The following PCDHGA8 variants were observed in gnomAD, a reference collection of about 807,000 sequenced individuals.
PCDHGA8 encodes protocadherin gamma-A8.
A neutral mutation model predicts 59.2 loss-of-function variants in PCDHGA8; 45 were observed. The ratio of observed to expected loss-of-function variants is 0.76; its 90% CI spans 0.60 to 0.98. The LOEUF is 0.98. Ranked by LOEUF, PCDHGA8 falls within the 50% of genes least tolerant of loss-of-function variation. The pLI, the probability that PCDHGA8 is intolerant of heterozygous loss-of-function variation, is 0.00. For missense variants in PCDHGA8, 1,257 were observed against 1,196.2 expected, an observed-to-expected ratio of 1.05 and a Z score of -0.75; for synonymous variants, 531 against 519.0, an observed-to-expected ratio of 1.02 and a Z score of -0.32.
intron 1 of PCDHGA8, among the ~76,000 whole-genome samples, chr5:141,462,483 G>T (rs1402125086): frequency 2.0e-5 from 3 of 151,986 alleles, no homozygotes; most frequent in African/African-American, 7.3e-5. Context: ...TCTCGTGGTT[G>T]TTGTATCCTA....
At chr5:141,448,185 G>A (rs2098572532) in intron 1 of PCDHGA8, among the ~76,000 whole-genome samples, 1 of 152,020 alleles carries the variant, frequency 6.6e-6, no homozygotes, top group Non-Finnish European at 1.5e-5. Flanking sequence ...CCCTGGTTAT[G>A]TACACTTACA....
Position 141,489,699 on chromosome 5 carries a change from A to G in PCDHGA8, c.2425-5108A>G. ...CAGCAGCATCTGGGGCACGATTCCC[A>G]CTGGACAGTGCCCAGGATCCGGATG... is the stretch of plus-strand genomic sequence containing the variant. On this transcript the variant is annotated intron_variant, in intron 1 of 3. Transcript: ENST00000398604. The surrounding 1 kb of genome is among the most constrained non-coding windows in gnomAD (Gnocchi z 4.5). The G allele has an allele frequency of 6.2e-7, 1 of 1,614,102 alleles. No homozygotes were observed. The highest frequency in any genetic ancestry group is 8.5e-7 in the Non-Finnish European group (1 of 1,179,956).
chr5:141,442,131 A>T, intron 1 of PCDHGA8: 1 of 165,118 alleles, frequency 6.1e-6, no homozygotes, highest in Non-Finnish European at 1.3e-5. Context: ...GACAGCCTGC[A>T]GGAGACTCTG....
intron 1 of PCDHGA8, chr5:141,475,927 G>A: frequency 1.6e-6 from 1 of 628,480 alleles, no homozygotes; most frequent in South Asian, 2.1e-5. Flanking sequence ...CTGGAGATCG[G>A]GCCCCTGCCC....
intron 1 of PCDHGA8, among the ~76,000 whole-genome samples, chr5:141,402,286 C>T (rs2094248272): frequency 6.6e-6 from 1 of 151,638 alleles, no homozygotes; most frequent in Non-Finnish European, 1.5e-5. Flanking sequence ...ATAATCTATC[C>T]TTATATATGT....
At chr5:141,488,134 A>G (rs546928916) in intron 1 of PCDHGA8, among the ~76,000 whole-genome samples, 1 of 152,332 alleles carries the variant, frequency 6.6e-6, no homozygotes, top group African/African-American at 2.4e-5. Flanking sequence ...GAAAGAGGAG[A>G]GAACTAAAGG....
In PCDHGA8 at chr5:141,477,982, G is replaced by A; in HGVS notation, c.2425-16825G>A. ...CTAACCAGAGCCTTTTTGCCATAGG[G>A]CTGCACACTGGTCAAATCAGTACTG... is the stretch of plus-strand genomic sequence containing the variant. On this transcript the variant is annotated intron_variant, in intron 1 of 3. Transcript: ENST00000398604. The surrounding 1 kb of genome is among the most constrained non-coding windows in gnomAD (Gnocchi z 4.9). 6.2e-7 allele frequency: 1 copy of A among 1,614,066 alleles called. No individual in the cohort carries two copies. Among genetic ancestry groups the A allele is most frequent in the Non-Finnish European group, 8.5e-7 (1 of 1,180,014 alleles).
At chr5:141,401,059 G>T (rs1418485253) in intron 1 of PCDHGA8, among the ~76,000 whole-genome samples, 2 of 152,082 alleles carry the variant, frequency 1.3e-5, no homozygotes, top group Non-Finnish European at 2.9e-5. Flanking sequence ...AATACTATAT[G>T]TTGGCTGGGT....
intron 1 of PCDHGA8, chr5:141,468,330 C>CAAAAAAAAA (rs533390277): frequency 1.3e-5 from 1 of 79,886 alleles, no homozygotes; most frequent in African/African-American, 3.9e-5. Context: ...AACTCCATCT[C>CAAAAAAAAA]AAAAAAAAAA....
intron 1 of PCDHGA8, chr5:141,427,054 C>T (rs1235803553): frequency 4.4e-6 from 2 of 457,580 alleles, no homozygotes; most frequent in Admixed American, 4.7e-5. Context: ...CCCCCAGGCA[C>T]CTCTGTACTA....
chr5:141,400,793 C>T, intron 1 of PCDHGA8: 2 of 561,880 alleles, frequency 3.6e-6, no homozygotes, highest in Admixed American at 3.5e-5. Context: ...TGTCCTCTTT[C>T]TCAAAGCTAA....
intron 1 of PCDHGA8, chr5:141,410,073 G>T: frequency 6.2e-7 from 1 of 1,612,940 alleles, no homozygotes; most frequent in South Asian, 1.1e-5. Context: ...CTGCGCACTG[G>T]GGAGGTGCGC....
chr5:141,428,067 G>GC, intron 1 of PCDHGA8: 2 of 1,609,228 alleles, frequency 1.2e-6, no homozygotes, highest in Non-Finnish European at 1.7e-6. Context: ...GGTGGACGCA[G>GC]ATTCGGGACA....
chr5:141,409,443 A>C (rs1276603306), intron 1 of PCDHGA8: 1 of 1,614,014 alleles, frequency 6.2e-7, no homozygotes, highest in East Asian at 2.2e-5. Context: ...GACCGAGAGC[A>C]GACACCAGAA....
chr5:141,403,006 G>C (rs536630249), intron 1 of PCDHGA8: 3 of 1,613,888 alleles, frequency 1.9e-6, no homozygotes, highest in Non-Finnish European at 2.5e-6. Context: ...TGCTATGCTC[G>C]CTCCTGGGGA....
chr5:141,404,071 C>T, intron 1 of PCDHGA8: 2 of 1,613,734 alleles, frequency 1.2e-6, no homozygotes, highest in Non-Finnish European at 1.7e-6. Context: ...ATGCTCATGA[C>T]CGAGACTCCG....
At chr5:141,408,885 T>G in intron 1 of PCDHGA8, 1 of 1,613,020 alleles carries the variant, frequency 6.2e-7, no homozygotes, top group Middle Eastern at 1.6e-4. Context: ...ACCGCTCACA[T>G]AGAAATTTCT....
At chr5:141,450,919 G>A (rs1489017891) in intron 1 of PCDHGA8, among the ~76,000 whole-genome samples, 2 of 151,024 alleles carry the variant, frequency 1.3e-5, no homozygotes, top group African/African-American at 4.9e-5. Context: ...CTGCCTCCCA[G>A]ATTCAAGCAA....
intron 1 of PCDHGA8, chr5:141,428,224 G>A (rs1232582892): frequency 1.7e-6 from 2 of 1,164,198 alleles, no homozygotes; most frequent in Non-Finnish European, 1.3e-6. Flanking sequence ...AGTCTTCGCA[G>A]ACAGCCTGCA....
Sources: gnomAD v4.1 joint callset for allele counts (sites outside exome capture counted in the v4.1 genomes callset) on GRCh38, gnomAD v4.1.1 for gene constraint, Gnocchi (gnomAD v3.1) non-coding constraint, MANE v1.5 for transcripts, NCBI Gene and HGNC (gene_info 2026-07-23, HGNC 2026-07-21) for gene names.